Variants in MDGA2 observed in about 807,000 individuals in gnomAD.
MDGA2 encodes the protein MAM domain-containing glycosylphosphatidylinositol anchor protein 2.
A neutral mutation model predicts 117.8 loss-of-function variants in MDGA2; 40 were observed. That is an observed-to-expected ratio of 0.34 (90% CI 0.26 to 0.44). MDGA2 has a LOEUF of 0.44. MDGA2 is among the 20% of genes least tolerant of loss of function. The pLI is 1.00. For synonymous variants in MDGA2, 452 were observed against 439.0 expected (o/e 1.03, Z -0.37); for missense variants, 1,123 against 1,250.6 (o/e 0.90, Z 1.54).
intron 3 of MDGA2, among the ~76,000 whole-genome samples, chr14:47,164,235 G>C (rs898268053): frequency 6.6e-6 from 1 of 152,088 alleles, no homozygotes; most frequent in Admixed American, 6.6e-5. Flanking sequence ...TATGTGACAG[G>C]CTATTTCTTA....
chr14:47,286,833 A>C (rs1445141497), intron 2 of MDGA2, among the ~76,000 whole-genome samples: 2 of 119,790 alleles, frequency 1.7e-5, no homozygotes, highest in East Asian at 2.2e-4. Flanking sequence ...ATACATATAT[A>C]TATGTATATA....
chr14:46,861,038 C>A (rs1007700227), intron 14 of MDGA2, among the ~76,000 whole-genome samples: 7 of 151,626 alleles, frequency 4.6e-5, no homozygotes, highest in Admixed American at 3.9e-4. Flanking sequence ...AGAAGTAATC[C>A]TTTGGCATTT....
chr14:47,115,671 T>C (rs1325236419), intron 5 of MDGA2, among the ~76,000 whole-genome samples: 2 of 151,992 alleles, frequency 1.3e-5, no homozygotes, highest in Admixed American at 6.6e-5. Flanking sequence ...ATTAGTAGAA[T>C]AAAGGATAAA....
intron 1 of MDGA2, among the ~76,000 whole-genome samples, chr14:47,409,038 G>A (rs993372786): frequency 2.0e-4 from 30 of 152,156 alleles, no homozygotes; most frequent in African/African-American, 7.2e-4. Flanking sequence ...GGAGTGGATT[G>A]GTGGAAGACG....
chr14:46,921,458 AAAG>A (rs1884126855), intron 9 of MDGA2, among the ~76,000 whole-genome samples: 1 of 151,516 alleles, frequency 6.6e-6, no homozygotes, highest in African/African-American at 2.4e-5. Flanking sequence ...AGAAAAAAAA[AAAG>A]AGCCAGGTGT....
intron 1 of MDGA2, among the ~76,000 whole-genome samples, chr14:47,462,910 A>C (rs895231468): frequency 6.6e-6 from 1 of 152,254 alleles, no homozygotes; most frequent in African/African-American, 2.4e-5. Flanking sequence ...ATAGAGTTTC[A>C]AAATTGAACT....
At chr14:47,276,287 C>G (rs1341262860) in intron 2 of MDGA2, among the ~76,000 whole-genome samples, 2 of 152,218 alleles carry the variant, frequency 1.3e-5, no homozygotes, top group East Asian at 3.9e-4. Context: ...GAAACTAAGT[C>G]TTGGAAATGA....
intron 16 of MDGA2, 40 bp downstream of exon 16, chr14:46,845,726 T>G: frequency 8.1e-7 from 1 of 1,238,614 alleles, no homozygotes; most frequent in Non-Finnish European, 1.2e-6. Flanking sequence ...TAATGTTACT[T>G]TAACGTTACA....
chr14:46,957,594 A>T lies in MDGA2; in HGVS notation c.1869T>A (p.Asp623Glu). The change falls in exon 9 of 17, where the codon GAT becomes GAA. Residue 623 changes from aspartate (D) to glutamate (E), a missense_variant. Asp to Glu is a conservative substitution (Grantham distance 45, BLOSUM62 2). Transcript: ENST00000399232. Reference protein sequence around the residue: ...PAFLEIRQGQDRSVTMSCRVL... With the variant: ...PAFLEIRQGQERSVTMSCRVL... ...CTCTGCAACTCATAGTGACACTTCG[A>T]TCCTGTCCTTGCCGGATTTCCAAGA... 2 of 1,614,160 alleles carry T rather than the reference A, an allele frequency of 1.2e-6. No individual in the cohort carries two copies. The highest frequency in any genetic ancestry group is 3.3e-5 in the Admixed American group (2 of 60,016).
chr14:47,009,536 T>C (rs904683695), intron 8 of MDGA2, among the ~76,000 whole-genome samples: 14 of 151,990 alleles, frequency 9.2e-5, no homozygotes, highest in South Asian at 2.1e-4. Flanking sequence ...TTAAGTTCTA[T>C]CAGCAATACA....
At chr14:46,948,114 T>C (rs1885238112) in intron 9 of MDGA2, among the ~76,000 whole-genome samples, 1 of 152,044 alleles carries the variant, frequency 6.6e-6, no homozygotes, top group African/African-American at 2.4e-5. Flanking sequence ...TAAATTTCTT[T>C]TCTGCAATGC....
chr14:47,267,687 C>T (rs1489445609), intron 2 of MDGA2, among the ~76,000 whole-genome samples: 1 of 152,108 alleles, frequency 6.6e-6, no homozygotes, highest in African/African-American at 2.4e-5. Context: ...ATAGAAAACA[C>T]AATCTTCCTC....
chr14:47,475,355 A>G (rs1196694289), intron 1 of MDGA2, among the ~76,000 whole-genome samples: 1 of 152,188 alleles, frequency 6.6e-6, no homozygotes, highest in East Asian at 1.9e-4. Flanking sequence ...GAGAAAAAGG[A>G]ACACTTTTAA....
At chr14:47,655,358 C>T (rs1355235666) in intron 1 of MDGA2, among the ~76,000 whole-genome samples, 1 of 152,070 alleles carries the variant, frequency 6.6e-6, no homozygotes, top group African/African-American at 2.4e-5. Context: ...CCATCCTGAC[C>T]CAGGATTATA....
chr14:47,519,312 T>C (rs929903160), intron 1 of MDGA2, among the ~76,000 whole-genome samples: 2 of 152,206 alleles, frequency 1.3e-5, no homozygotes, highest in African/African-American at 4.8e-5. Flanking sequence ...ACCTACATTC[T>C]AATTTAAGCA....
At chr14:47,664,744 G>T (rs1365725383) in intron 1 of MDGA2, among the ~76,000 whole-genome samples, 1 of 152,198 alleles carries the variant, frequency 6.6e-6, no homozygotes, top group Non-Finnish European at 1.5e-5. Context: ...AGAACGAAAT[G>T]ATTTTAGTCA....
intron 1 of MDGA2, among the ~76,000 whole-genome samples, chr14:47,458,921 G>T (rs1893421542): frequency 6.7e-6 from 1 of 149,970 alleles, no homozygotes; most frequent in South Asian, 2.1e-4. Context: ...TTCCAGCAAT[G>T]GCCAGAAATT....
chr14:47,305,330 A>G (rs1012814256), intron 1 of MDGA2: 1 of 152,164 alleles, frequency 6.6e-6, no homozygotes, highest in African/African-American at 2.4e-5. Flanking sequence ...TGCCCTGTAG[A>G]GTCAGCAATG....
intron 3 of MDGA2, among the ~76,000 whole-genome samples, chr14:47,164,431 G>C (rs1479506327): frequency 6.6e-6 from 1 of 152,076 alleles, no homozygotes; most frequent in Admixed American, 6.6e-5. Flanking sequence ...CCCATCAACA[G>C]GTGGGCAAAG....
Sources: gnomAD v4.1 joint callset for allele counts (sites outside exome capture counted in the v4.1 genomes callset) on GRCh38, gnomAD v4.1.1 for gene constraint, MANE v1.5 for transcripts, NCBI Gene and HGNC (gene_info 2026-07-23, HGNC 2026-07-21) for gene names.